YTHDC2: variants seen among roughly 807,000 people sequenced by gnomAD.
The protein encoded by YTHDC2 is YTH N6-methyladenosine RNA binding protein C2.
In YTHDC2, 45 loss-of-function variants were observed where a neutral mutation model predicts 174.9. That is an observed-to-expected ratio of 0.26 (90% CI 0.20 to 0.33). The LOEUF is 0.33. Among genes scored for constraint, YTHDC2 ranks in the 10% least tolerant of loss-of-function variants. The probability of loss-of-function intolerance (pLI) is 1.00; values close to 1 mark genes in which losing one functional copy is unlikely to be tolerated. For missense variants in YTHDC2, 1,650 were observed against 1,723.7 expected (o/e 0.96, Z 0.76); for synonymous variants, 657 against 574.5 (o/e 1.14, Z -2.05).
intron 23 of YTHDC2, among the ~76,000 whole-genome samples, chr5:113,569,229 A>G (rs1341885250): frequency 6.6e-6 from 1 of 151,978 alleles, no homozygotes; most frequent in South Asian, 2.1e-4. Context: ...TTCCTTGTAT[A>G]CTCTGGATAT....
intron 2 of YTHDC2, among the ~76,000 whole-genome samples, chr5:113,522,794 A>AT (rs1435167852): frequency 1.3e-5 from 2 of 152,186 alleles, no homozygotes; most frequent in African/African-American, 4.8e-5. Context: ...TTTATGATAT[A>AT]TCAGTGTCAC....
chr5:113,553,670 G>T lies in YTHDC2; in HGVS notation c.1948G>T (p.Ala650Ser). ...CATCCTGTTTGATGACAAGCGGTTT[G>T]CTGACAGTACACATAGGTAAGGGCT... ...DRILFDDKRF[A>S]DSTHRYQVFM... Residue 650 changes from alanine to serine, a missense_variant, in exon 14 of 30, where the codon GCT becomes TCT. By Grantham distance (99) the Ala-to-Ser change is moderately conservative. Around this residue, in one of 5 missense-constraint regions of YTHDC2, gnomAD observed 913 missense variants for 940.4 expected, o/e 0.97. Transcript: ENST00000161863. 1 of 1,613,508 alleles carries T rather than the reference G, an allele frequency of 6.2e-7. No homozygotes were observed. The highest frequency in any genetic ancestry group is 8.5e-7 in the Non-Finnish European group (1 of 1,179,568).
intron 7 of YTHDC2, among the ~76,000 whole-genome samples, chr5:113,536,611 C>A (rs1203454715): frequency 6.6e-6 from 1 of 152,142 alleles, no homozygotes; most frequent in Non-Finnish European, 1.5e-5. Context: ...TTCACAATTG[C>A]CCCTATCCTT....
intron 16 of YTHDC2, 54 bp from the exon 17 acceptor site, chr5:113,555,998 T>G: frequency 9.0e-7 from 1 of 1,113,878 alleles, no homozygotes; most frequent in South Asian, 1.5e-5. Flanking sequence ...ATTCTTGCTA[T>G]TACCTTTTAA....
rs188983008 is a variant in YTHDC2, at chr5:113,513,911, A to T, written c.16A>T (p.Ser6Cys). Residue 6 changes from serine to cysteine, a missense_variant, in exon 1 of 30, where the codon AGC becomes TGC. Ser to Cys is a moderately radical substitution (Grantham distance 112, BLOSUM62 -1). Transcript: ENST00000161863. MSRPSSVSPRQPAPGG... is the reference protein window; with the variant it reads MSRPSCVSPRQPAPGG... Reference sequence around the variant, plus strand: ...CTTCAGGGCAATGTCCAGGCCGAGCAGCGTCTCCCCGCGGCAGCCGGCTCC... The same window carrying T: ...CTTCAGGGCAATGTCCAGGCCGAGCTGCGTCTCCCCGCGGCAGCCGGCTCC... 400 of 1,605,138 alleles carry T rather than the reference A, an allele frequency of 2.5e-4. 3 individuals are homozygous for T. In the East Asian group the frequency reaches 6.1e-3, roughly 24 times the overall value.
intron 23 of YTHDC2, among the ~76,000 whole-genome samples, chr5:113,577,486 C>T (rs1432768951): frequency 2.6e-5 from 4 of 152,054 alleles, no homozygotes; most frequent in Non-Finnish European, 4.4e-5. Context: ...CCTCCCACCT[C>T]AGTCTCTCGA....
intron 28 of YTHDC2, 30 bp downstream of exon 28, chr5:113,592,208 C>G: frequency 1.6e-6 from 2 of 1,249,768 alleles, no homozygotes; most frequent in Admixed American, 2.6e-5. Context: ...TTTTTATTTA[C>G]TTTTGTTTCT....
intron 20 of YTHDC2, among the ~76,000 whole-genome samples, chr5:113,564,997 A>G (rs1260014443): frequency 6.6e-6 from 1 of 152,082 alleles, no homozygotes; most frequent in African/African-American, 2.4e-5. Context: ...TGTTTTTAGT[A>G]GAGACAGGGT....
chr5:113,583,695 G>C (rs1372789998), intron 25 of YTHDC2: 1 of 152,232 alleles, frequency 6.6e-6, no homozygotes, highest in Admixed American at 6.5e-5. Flanking sequence ...TGTTAGTCAG[G>C]CTGGTCTCGA....
intron 10 of YTHDC2, 21 bp from the exon 11 acceptor site, chr5:113,548,520 T>C: frequency 2.5e-6 from 4 of 1,570,828 alleles, no homozygotes; most frequent in South Asian, 1.2e-5. Flanking sequence ...TTAAGTTTTA[T>C]TTATCTTTTC....
At chr5:113,563,573 T>C (rs1561678641) in intron 19 of YTHDC2, 81 bp downstream of exon 19, 3 of 1,429,628 alleles carry the variant, frequency 2.1e-6, no homozygotes, top group Admixed American at 2.3e-5. Context: ...TTAACTAATT[T>C]TGTATAATTA....
intron 4 of YTHDC2, among the ~76,000 whole-genome samples, chr5:113,528,169 AATG>A (rs1444055078): frequency 6.0e-4 from 92 of 152,336 alleles, no homozygotes; most frequent in African/African-American, 1.9e-3. Context: ...TGTCCTTGCT[AATG>A]ATATCTATAT....
intron 23 of YTHDC2, among the ~76,000 whole-genome samples, chr5:113,568,781 G>A (rs1032479789): frequency 1.3e-5 from 2 of 152,096 alleles, no homozygotes; most frequent in African/African-American, 2.4e-5. Context: ...CCATTGATGG[G>A]CATTTGGGTT....
intron 21 of YTHDC2, 32 bp from the exon 22 acceptor site, chr5:113,567,060 A>T (rs1009534124): frequency 6.3e-7 from 1 of 1,596,306 alleles, no homozygotes; most frequent in Admixed American, 1.8e-5. Context: ...TTTGCACAAT[A>T]GAAAAATTGG....
chr5:113,576,080 A>G (rs1778027786), intron 23 of YTHDC2, among the ~76,000 whole-genome samples: 1 of 151,450 alleles, frequency 6.6e-6, no homozygotes, highest in African/African-American at 2.4e-5. Context: ...GTTAAGTTTG[A>G]GATGGCTAAG....
chr5:113,519,084 C>T lies in YTHDC2; in HGVS notation c.278+3722C>T, dbSNP rs145478318. Among the ~76,000 whole-genome samples the T allele has an allele frequency of 8.5e-3, 1,289 of 151,776 alleles. 21 individuals carry two copies. The highest frequency in any genetic ancestry group is 0.03 in the African/African-American group (1,238 of 41,374). ...GATGGGGTCTTGCTATGTTGCCCAG[C>T]CTGGTCTCAAACTCCTGGGCTCAAG... On this transcript the variant is annotated intron_variant, in intron 2 of 29. Transcript: ENST00000161863.
intron 3 of YTHDC2, among the ~76,000 whole-genome samples, chr5:113,525,793 CTATT>C (rs1774182206): frequency 1.3e-5 from 2 of 152,008 alleles, no homozygotes; most frequent in Admixed American, 1.3e-4. Flanking sequence ...ATTAAGAAAA[CTATT>C]TATTGCCTAT....
intron 23 of YTHDC2, among the ~76,000 whole-genome samples, chr5:113,575,947 TAGTAAGGGAA>T (rs149024124): frequency 0.06 from 9,181 of 152,064 alleles, 744 homozygotes; most frequent in Admixed American, 0.25. Context: ...TGAATGTGGG[TAGTAAGGGAA>T]AGGGAGGAGT....
rs115093234 is a variant in YTHDC2 at position 113,526,050 on chromosome 5, C to T, written c.476-536C>T. Reference sequence around the variant, plus strand: ...AACATTAGGACCTTTATATTTAACACATAATTATTCTATTTGATCACTTAA... The same window carrying T: ...AACATTAGGACCTTTATATTTAACATATAATTATTCTATTTGATCACTTAA... On this transcript the variant is annotated intron_variant, in intron 3 of 29. Coordinates refer to ENST00000161863, the MANE Select transcript of YTHDC2 (RefSeq NM_022828.5). Among the ~76,000 whole-genome samples, 154 of 152,148 alleles carry T rather than the reference C, an allele frequency of 1.0e-3. 1 individual carries two copies. The highest frequency in any genetic ancestry group is 2.0e-3 in the Non-Finnish European group (135 of 67,950).
Sources: allele counts gnomAD v4.1 joint callset (sites outside exome capture counted in the v4.1 genomes callset), GRCh38; gene constraint gnomAD v4.1.1; regional missense constraint gnomAD v4.1.1; transcripts MANE v1.5; gene names NCBI Gene and HGNC (gene_info 2026-07-23, HGNC 2026-07-21).